HNRNPR: variants seen among roughly 807,000 people sequenced by gnomAD.
HNRNPR encodes the protein heterogeneous nuclear ribonucleoprotein R.
A neutral mutation model predicts 70.3 loss-of-function variants in HNRNPR; 4 were observed. The observed-to-expected ratio is 0.06, with a 90% CI of 0.03 to 0.13. The LOEUF is 0.13. HNRNPR is among the 10% of genes least tolerant of loss of function. The pLI, the probability that HNRNPR is intolerant of heterozygous loss-of-function variation, is 1.00. For missense variants in HNRNPR, 423 were observed against 788.5 expected (o/e 0.54, Z 5.55); for synonymous variants, 241 against 267.6 (o/e 0.90, Z 0.97).
Position 23,308,799 on chromosome 1 carries a change from T to C in HNRNPR, c.*1655A>G, listed in dbSNP as rs1408412115. ...ATGATCTAGCCAAGATTACACGGAA[T>C]TAAGTGGCTTATGATTTTGAAATCT... On this transcript the variant is annotated 3_prime_UTR_variant, in exon 11 of 11. Transcript: ENST00000302271. The C allele has an allele frequency of 2.6e-5, 4 of 152,068 alleles. No individual in the cohort carries two copies. The highest frequency in any genetic ancestry group is 5.9e-5 in the Non-Finnish European group (4 of 67,908). The allele number at this position is 152,068 out of a possible 1,614,324, so 9.4% of individuals were successfully genotyped here. A position where few individuals can be genotyped will look rare whatever the true frequency, so the allele number is the denominator to read the frequency against.
chr1:23,306,816 C>T lies in HNRNPR; in HGVS notation c.*3638G>A, dbSNP rs1013486898. 1.3e-5 allele frequency: 2 copies of T among 152,160 alleles called. No individual in the cohort carries two copies. The highest frequency in any genetic ancestry group is 2.4e-5 in the African/African-American group (1 of 41,448). 9.4% of individuals were successfully genotyped at this position (152,160 alleles called of 1,614,324 possible). The stretch of plus-strand genomic sequence containing the variant: ...AAATTAAGACCTAATCAACAAACTT[C>T]TAATATAAAAGTAAACATGTCTGGC... On this transcript the variant is annotated 3_prime_UTR_variant, in exon 11 of 11. Coordinates refer to ENST00000302271, the MANE Select transcript of HNRNPR (RefSeq NM_005826.5).
intron 5 of HNRNPR, among the ~76,000 whole-genome samples, chr1:23,331,994 T>C (rs12075473): frequency 0.023 from 3,549 of 151,296 alleles, 156 homozygotes; most frequent in African/African-American, 0.081. Context: ...TAGCCAGGCG[T>C]GGTGGCAGGC....
intron 5 of HNRNPR, among the ~76,000 whole-genome samples, chr1:23,333,082 T>G (rs1033046254): frequency 1.3e-5 from 2 of 152,114 alleles, no homozygotes; most frequent in African/African-American, 4.8e-5. Context: ...CTCAGGAGGC[T>G]GAGGCAGGAG....
rs139808925 is a variant in HNRNPR at position 23,311,399 on chromosome 1, C to A, written c.1168-77G>T. On this transcript the variant is annotated intron_variant, in intron 9 of 10. Transcript: ENST00000302271. ...TTTATATAGTATGTAAGCTATTATACTTGTGTAATTTAATACACTTAACAA... is the reference window on the plus strand; with the variant it reads ...TTTATATAGTATGTAAGCTATTATAATTGTGTAATTTAATACACTTAACAA... 729 of 955,258 alleles carry A rather than the reference C, an allele frequency of 7.6e-4. 6 individuals carry two copies. The African/African-American group carries it at 9.3e-3, about 12-fold the overall frequency. The allele number at this position is 955,258 out of a possible 1,614,324, so 59.2% of individuals were successfully genotyped here. A position where few individuals can be genotyped will look rare whatever the true frequency, so the allele number is the denominator to read the frequency against.
intron 7 of HNRNPR, among the ~76,000 whole-genome samples, chr1:23,319,642 T>C (rs1013423946): frequency 1.3e-5 from 2 of 152,176 alleles, no homozygotes; most frequent in Non-Finnish European, 2.9e-5. Context: ...AAACAAGAAA[T>C]AGGTGTTATT....
At chr1:23,330,370 C>A (rs1646167869) in intron 5 of HNRNPR, among the ~76,000 whole-genome samples, 1 of 151,928 alleles carries the variant, frequency 6.6e-6, no homozygotes, top group African/African-American at 2.4e-5. Context: ...CCCCGTCTCT[C>A]CTAAAAATAC....
At position 23,308,103 on chromosome 1, in the gene HNRNPR, T is replaced by G. The variant is rs746350976; in HGVS notation, c.*2351A>C. 1 of 152,058 alleles carries G rather than the reference T, an allele frequency of 6.6e-6. No individual in the cohort carries two copies. The highest frequency in any genetic ancestry group is 6.5e-5 in the Admixed American group (1 of 15,278). 9.4% of individuals were successfully genotyped at this position (152,058 alleles called of 1,614,324 possible). A position where few individuals can be genotyped will look rare whatever the true frequency, so the allele number is the denominator to read the frequency against. ...CTCTTGAGTTTTAATGTTTATAGGATTATGCTTTACAATTTAAAATAGCCA... is the reference window on the plus strand; with the variant it reads ...CTCTTGAGTTTTAATGTTTATAGGAGTATGCTTTACAATTTAAAATAGCCA... On this transcript the variant is annotated 3_prime_UTR_variant, in exon 11 of 11. Transcript: ENST00000302271.
chr1:23,316,252 CTA>C (rs1266434287), intron 8 of HNRNPR, among the ~76,000 whole-genome samples: 1 of 152,134 alleles, frequency 6.6e-6, no homozygotes, highest in African/African-American at 2.4e-5. Flanking sequence ...CTGCAGTGTG[CTA>C]TGACTGCACA....
Position 23,308,071 on chromosome 1 carries a change from A to C in HNRNPR, c.*2383T>G, listed in dbSNP as rs1645230805. 6.6e-6 allele frequency: 1 copy of C among 152,100 alleles called. No individual in the cohort carries two copies. The highest frequency in any genetic ancestry group is 6.5e-5 in the Admixed American group (1 of 15,276). 9.4% of individuals were successfully genotyped at this position (152,100 alleles called of 1,614,324 possible). ...GTGTTAATTTACAAGACATGAAAGA[A>C]GAAAAGCTCTTGAGTTTTAATGTTT... On this transcript the variant is annotated 3_prime_UTR_variant, in exon 11 of 11. Coordinates refer to ENST00000302271, the MANE Select transcript of HNRNPR (RefSeq NM_005826.5).
chr1:23,334,132 AG>A (rs2148455845), intron 4 of HNRNPR, among the ~76,000 whole-genome samples: 1 of 151,896 alleles, frequency 6.6e-6, no homozygotes, highest in South Asian at 2.1e-4. Flanking sequence ...CAGGCTGGTC[AG>A]GAACTCCTGG....
chr1:23,324,294 C>A (rs1053033925), intron 5 of HNRNPR, among the ~76,000 whole-genome samples: 1 of 152,188 alleles, frequency 6.6e-6, no homozygotes, highest in South Asian at 2.1e-4. Flanking sequence ...CTCGGCCGGG[C>A]GCGGCAGCTC....
intron 8 of HNRNPR, 105 bp from the exon 9 acceptor site, chr1:23,313,807 G>A: frequency 8.1e-7 from 1 of 1,238,998 alleles, no homozygotes; most frequent in Non-Finnish European, 1.1e-6. Context: ...AAAACATTAA[G>A]TGCTAAAAGT....
intron 6 of HNRNPR, 141 bp from the exon 7 acceptor site, chr1:23,321,804 T>C (rs1645768521): frequency 4.1e-6 from 3 of 725,272 alleles, no homozygotes; most frequent in Non-Finnish European, 6.4e-6. Context: ...TTCCATAATA[T>C]GAATGTATAT....
At position 23,311,214 on chromosome 1, in the gene HNRNPR, A is replaced by T; in HGVS notation, c.1276T>A (p.Ser426Thr). The T allele has an allele frequency of 6.2e-7, 1 of 1,613,842 alleles. No individual in the cohort carries two copies. Among genetic ancestry groups the T allele is most frequent in the Non-Finnish European group, 8.5e-7 (1 of 1,180,018 alleles). ...ATGTAGACTCACGCAGTGCTTCTGG[A>T]GGCCTGTCTAGCAGCTTGGCGCTCT... ...RKERQAARQASRSTAYEDYYY... is the reference protein window; with the variant it reads ...RKERQAARQATRSTAYEDYYY... Residue 426 changes from serine to threonine, a missense_variant, in exon 10 of 11, where the codon TCC becomes ACC. Ser to Thr is a moderately conservative substitution (Grantham distance 58, BLOSUM62 1). Coordinates refer to ENST00000302271, the MANE Select transcript of HNRNPR (RefSeq NM_005826.5).
intron 5 of HNRNPR, among the ~76,000 whole-genome samples, chr1:23,328,179 G>C (rs1013417811): frequency 1.3e-5 from 2 of 152,204 alleles, no homozygotes; most frequent in Admixed American, 6.5e-5. Context: ...AACGGGGCCA[G>C]AGTAAGTTAA....
chr1:23,343,549 C>T (rs1240950379), intron 1 of HNRNPR, among the ~76,000 whole-genome samples: 1 of 152,222 alleles, frequency 6.6e-6, no homozygotes, highest in Non-Finnish European at 1.5e-5. Context: ...TTTGGTGCGC[C>T]TCTGACAGTC....
intron 5 of HNRNPR, among the ~76,000 whole-genome samples, chr1:23,333,148 C>A (rs1172144765): frequency 1.3e-5 from 2 of 152,162 alleles, no homozygotes; most frequent in East Asian, 3.9e-4. Context: ...TGTCACTGCA[C>A]TCCAGCCTGG....
At chr1:23,334,915 T>C (rs1302544107) in intron 4 of HNRNPR, among the ~76,000 whole-genome samples, 1 of 151,720 alleles carries the variant, frequency 6.6e-6, no homozygotes, top group Non-Finnish European at 1.5e-5. Context: ...TACACTTCAG[T>C]TTTTTTGGTT....
chr1:23,326,094 C>T (rs904787282), intron 5 of HNRNPR, among the ~76,000 whole-genome samples: 3 of 152,126 alleles, frequency 2.0e-5, no homozygotes, highest in Non-Finnish European at 4.4e-5. Context: ...GTCTCAAACT[C>T]CTGGACTCAA....
Sources: allele counts gnomAD v4.1 joint callset (sites outside exome capture counted in the v4.1 genomes callset), GRCh38; gene constraint gnomAD v4.1.1; transcripts MANE v1.5; gene names NCBI Gene and HGNC (gene_info 2026-07-23, HGNC 2026-07-21).